The following PCMT1 variants were observed in gnomAD, a reference collection of about 807,000 sequenced individuals.
The protein encoded by PCMT1 is protein-L-isoaspartate(D-aspartate) O-methyltransferase.
PCMT1 carries 9 observed loss-of-function variants against 29.2 expected under a neutral mutation model. That is an observed-to-expected ratio of 0.31 (90% CI 0.19 to 0.54). The LOEUF (loss-of-function observed/expected upper bound fraction) is 0.54, where lower values mean the gene tolerates loss of function less well. Ranked by LOEUF, PCMT1 falls within the 20% of genes least tolerant of loss-of-function variation. The pLI is 0.95. For missense variants in PCMT1, 184 were observed against 282.2 expected, an observed-to-expected ratio of 0.65 and a Z score of 2.49; for synonymous variants, 98 against 97.5, an observed-to-expected ratio of 1.00 and a Z score of -0.03.
intron 1 of PCMT1, among the ~76,000 whole-genome samples, chr6:149,761,776 C>T (rs1049977925): frequency 6.6e-6 from 1 of 152,162 alleles, no homozygotes; most frequent in Non-Finnish European, 1.5e-5. Context: ...AATTGATTGA[C>T]AGTTCTTTTA....
chr6:149,762,804 T>C (rs111218657), intron 1 of PCMT1, among the ~76,000 whole-genome samples: 1 of 53,608 alleles, frequency 1.9e-5, no homozygotes, highest in Non-Finnish European at 2.6e-5. Context: ...CTATGATATA[T>C]ATATCTATGA....
intron 2 of PCMT1, 76 bp from the exon 3 acceptor site, chr6:149,773,062 A>T (rs1014765246): frequency 1.2e-5 from 11 of 951,418 alleles, no homozygotes; most frequent in African/African-American, 3.3e-5. Context: ...TAACGTATGG[A>T]TGGTAGAAAA....
chr6:149,765,631 G>A, intron 1 of PCMT1: 1 of 357,758 alleles, frequency 2.8e-6, no homozygotes. Flanking sequence ...ACCCTTTATA[G>A]TGTCGTTAAT....
At chr6:149,798,047 C>T (rs1053350056) in intron 6 of PCMT1, 1 of 151,772 alleles carries the variant, frequency 6.6e-6, no homozygotes, top group African/African-American at 2.4e-5. Flanking sequence ...GTAGTCCCAG[C>T]TACTCAAGAG....
At chr6:149,788,132 T>A (rs1176408211) in intron 3 of PCMT1, among the ~76,000 whole-genome samples, 1 of 152,090 alleles carries the variant, frequency 6.6e-6, no homozygotes, top group East Asian at 1.9e-4. Context: ...TTAGCCAGGA[T>A]GGTCTCGATC....
intron 1 of PCMT1, among the ~76,000 whole-genome samples, chr6:149,760,347 A>G (rs1786684304): frequency 6.6e-6 from 1 of 152,156 alleles, no homozygotes; most frequent in Admixed American, 6.6e-5. Context: ...AAACCACAAT[A>G]CCTTAAACAA....
chr6:149,796,203 C>A, intron 5 of PCMT1: 1 of 390,784 alleles, frequency 2.6e-6, no homozygotes, highest in South Asian at 6.1e-5. Context: ...TCCAGTTTTT[C>A]ATCAAAATAA....
intron 7 of PCMT1, among the ~76,000 whole-genome samples, chr6:149,805,773 T>TA (rs200406865): frequency 0.017 from 2,529 of 151,070 alleles, 81 homozygotes; most frequent in African/African-American, 0.058. Flanking sequence ...CCATCTCTAC[T>TA]AAAAAAACAA....
rs2115181398 is a variant in PCMT1, at chr6:149,749,807, T to G, written c.-95T>G. 2.6e-6 allele frequency: 4 copies of G among 1,552,478 alleles called. 1 individual carries two copies. Among genetic ancestry groups the G allele is most frequent in the Middle Eastern group, 1.7e-4 (1 of 5,952 alleles). ...TACAGCGGGGACGCGAGCGGGGCGG[T>G]GACGGTGTGGGAGGTGGTCTCACTC... On this transcript the variant is annotated 5_prime_UTR_variant, in exon 1 of 8. Transcript: ENST00000464889.
chr6:149,786,031 G>A (rs543996407), intron 3 of PCMT1, among the ~76,000 whole-genome samples: 3 of 145,790 alleles, frequency 2.1e-5, no homozygotes, highest in South Asian at 2.2e-4. Flanking sequence ...CTGGCCGGGC[G>A]GGGGGCTGAC....
At chr6:149,777,247 C>A (rs1787605300) in intron 3 of PCMT1, among the ~76,000 whole-genome samples, 2 of 152,172 alleles carry the variant, frequency 1.3e-5, no homozygotes. Context: ...TCAACTAACA[C>A]AAAGTCTGTT....
chr6:149,798,859 T>A (rs1341858754), intron 6 of PCMT1, among the ~76,000 whole-genome samples: 1 of 152,228 alleles, frequency 6.6e-6, no homozygotes, highest in Non-Finnish European at 1.5e-5. Context: ...AAAGAGGGAA[T>A]GCTGCTTGAG....
At chr6:149,780,240 C>G (rs749422148) in intron 3 of PCMT1, among the ~76,000 whole-genome samples, 1 of 151,440 alleles carries the variant, frequency 6.6e-6, no homozygotes, top group Admixed American at 6.6e-5. Context: ...ATTCTGCAGA[C>G]TGAGGTGGAA....
At chr6:149,796,380 A>C in intron 5 of PCMT1, 35 bp from the exon 6 acceptor site, 2 of 1,466,498 alleles carry the variant, frequency 1.4e-6, no homozygotes, top group Middle Eastern at 1.9e-4. Context: ...GTTTGATCTA[A>C]ACAGGTTTTT....
intron 3 of PCMT1, among the ~76,000 whole-genome samples, chr6:149,782,702 C>T (rs1266344591): frequency 6.6e-6 from 1 of 150,900 alleles, no homozygotes; most frequent in Non-Finnish European, 1.5e-5. Context: ...ATGATGGTAA[C>T]AGATTATAGC....
chr6:149,805,857 C>T (rs950007797), intron 7 of PCMT1, among the ~76,000 whole-genome samples: 3 of 151,286 alleles, frequency 2.0e-5, no homozygotes, highest in African/African-American at 7.3e-5. Context: ...AGGAGAATCA[C>T]TTGAACCTGG....
At chr6:149,787,490 C>G (rs1256052501) in intron 3 of PCMT1, among the ~76,000 whole-genome samples, 3 of 151,804 alleles carry the variant, frequency 2.0e-5, no homozygotes, top group Non-Finnish European at 2.9e-5. Flanking sequence ...CTTCAGCTTC[C>G]CAGTAGCTGG....
In PCMT1 at chr6:149,749,944, C is replaced by A. The variant is rs1449187358; in HGVS notation, c.43C>A (p.His15Asn). Residue 15 changes from histidine to asparagine, a missense_variant, in exon 1 of 8, where the codon CAC becomes AAC. His to Asn is a moderately conservative substitution (Grantham distance 68). Coordinates refer to ENST00000464889, the MANE Select transcript of PCMT1 (RefSeq NM_001360452.2). ...SGGASHSELIHNLRKNGIIKT... is the reference protein window; with the variant it reads ...SGGASHSELINNLRKNGIIKT... ...CGGCGCCAGCCACTCGGAGCTAATCCACAATCTCCGCAGTAAGTGCCACCT... is the reference window on the plus strand; with the variant it reads ...CGGCGCCAGCCACTCGGAGCTAATCAACAATCTCCGCAGTAAGTGCCACCT... The A allele has an allele frequency of 6.2e-7, 1 of 1,610,842 alleles. No homozygotes were observed. Among genetic ancestry groups the A allele is most frequent in the Non-Finnish European group, 8.5e-7 (1 of 1,178,734 alleles).
chr6:149,781,979 C>G (rs1452279020), intron 3 of PCMT1, among the ~76,000 whole-genome samples: 1 of 152,182 alleles, frequency 6.6e-6, no homozygotes, highest in Non-Finnish European at 1.5e-5. Context: ...CTAGGTACAT[C>G]ATATAAGTGG....
Sources: allele counts gnomAD v4.1 joint callset (sites outside exome capture counted in the v4.1 genomes callset), GRCh38; gene constraint gnomAD v4.1.1; transcripts MANE v1.5; gene names NCBI Gene and HGNC (gene_info 2026-07-23, HGNC 2026-07-21).